The following OR51B5 variants were observed in gnomAD, a reference collection of about 807,000 sequenced individuals.
OR51B5 encodes the protein olfactory receptor family 51 subfamily B member 5, also known as olfactory receptor 51B5.
For synonymous variants in OR51B5, 186 were observed against 144.8 expected (o/e 1.28, Z -2.04); for missense variants, 456 against 374.6 (o/e 1.22, Z -1.79).
chr11:5,475,916 A>G (rs1463115484), intron 1 of OR51B5, among the ~76,000 whole-genome samples: 1 of 152,192 alleles, frequency 6.6e-6, no homozygotes, highest in Non-Finnish European at 1.5e-5. Context: ...TTGCCATTGT[A>G]TCTAGATCCA....
chr11:5,389,718 G>C lies in OR51B5; in HGVS notation n.85-42808C>G, dbSNP rs768289785. The stretch of plus-strand genomic sequence containing the variant: ...TTTAACTCCCATAGTATCTACTTTG[G>C]AGCGTGTCAAATCCAGATGTTCTGC... On this transcript the variant is annotated intron_variant and non_coding_transcript_variant, in intron 1 of 4. Transcript: ENST00000415970. The C allele has an allele frequency of 1.9e-6, 3 of 1,613,834 alleles. No homozygotes were observed. In the East Asian group the frequency reaches 6.7e-5, roughly 36 times the overall value.
At chr11:5,385,933 A>G (rs1201111959) in intron 1 of OR51B5, among the ~76,000 whole-genome samples, 1 of 131,014 alleles carries the variant, frequency 7.6e-6, no homozygotes, top group African/African-American at 2.7e-5. Context: ...ATATGGATGT[A>G]TAAGTATGTT....
intron 1 of OR51B5, chr11:5,403,293 G>A (rs770768708): frequency 4.2e-5 from 20 of 471,548 alleles, no homozygotes; most frequent in Non-Finnish European, 7.9e-5. Flanking sequence ...TATTGCCACT[G>A]GAGAAGGGAG....
intron 1 of OR51B5, among the ~76,000 whole-genome samples, chr11:5,377,619 G>A (rs1284137562): frequency 6.6e-6 from 1 of 152,110 alleles, no homozygotes; most frequent in Non-Finnish European, 1.5e-5. Flanking sequence ...AAAGCCTCAG[G>A]ATACAAAACC....
At chr11:5,462,349 TA>T (rs1266520621) in intron 1 of OR51B5, among the ~76,000 whole-genome samples, 1 of 152,170 alleles carries the variant, frequency 6.6e-6, no homozygotes, top group African/African-American at 2.4e-5. Context: ...TTTATGGAAT[TA>T]ATTTCTGTGT....
intron 1 of OR51B5, among the ~76,000 whole-genome samples, chr11:5,367,851 T>G (rs1849394447): frequency 6.6e-6 from 1 of 152,196 alleles, no homozygotes; most frequent in African/African-American, 2.4e-5. Context: ...TTCAAAAATG[T>G]ATTTTTTTTC....
intron 1 of OR51B5, chr11:5,403,337 C>G (rs1326826731): frequency 4.2e-6 from 2 of 471,510 alleles, no homozygotes; most frequent in Admixed American, 4.7e-5. Flanking sequence ...GCTCACACGT[C>G]TGTGCTGTGC....
At chr11:5,365,072 A>T (rs530234337) in intron 1 of OR51B5, among the ~76,000 whole-genome samples, 1 of 152,356 alleles carries the variant, frequency 6.6e-6, no homozygotes, top group East Asian at 1.9e-4. Flanking sequence ...CAATAAAACC[A>T]AATGTGTCAA....
At chr11:5,362,671 C>T (rs1049775946) in intron 1 of OR51B5, 1 of 205,688 alleles carries the variant, frequency 4.9e-6, no homozygotes, top group Non-Finnish European at 1.1e-5. Flanking sequence ...CTGTCTTCCC[C>T]CATCTGATTG....
chr11:5,346,669 A>T (rs1848996646), upstream of OR51B5, among the ~76,000 whole-genome samples: 2 of 152,160 alleles, frequency 1.3e-5, no homozygotes. Flanking sequence ...ATTGCTTTTG[A>T]AGTTCTATCA....
intron 1 of OR51B5, among the ~76,000 whole-genome samples, chr11:5,447,427 C>T (rs1054114147): frequency 3.9e-5 from 6 of 152,158 alleles, no homozygotes; most frequent in Non-Finnish European, 5.9e-5. Context: ...TTTGGCTTTC[C>T]AGTCTATAGG....
At position 5,422,937 on chromosome 11, in the gene OR51B5, A is replaced by G. The variant is rs781451597; in HGVS notation, n.85-76027T>C. 9 of 1,614,086 alleles carry G rather than the reference A, an allele frequency of 5.6e-6. No individual in the cohort carries two copies. The East Asian group carries it at 1.8e-4, about 32-fold the overall frequency. ...CGTGCCCTCAATAACTGCCTGTCCC[A>G]CATTCTAGCTGTCCTGGTCCTCTAC... is the stretch of plus-strand genomic sequence containing the variant. On this transcript the variant is annotated intron_variant and non_coding_transcript_variant, in intron 1 of 4. Coordinates refer to the OR51B5 transcript ENST00000415970.
exon 1 of OR51B5, chr11:5,343,130 G>C (rs1480822196): frequency 6.2e-7 from 1 of 1,613,616 alleles, no homozygotes; most frequent in Admixed American, 1.7e-5. Context: ...AGTAAGTACA[G>C]AGGTATATCT....
upstream of OR51B5, among the ~76,000 whole-genome samples, chr11:5,346,541 G>A (rs1340943135): frequency 6.6e-6 from 1 of 151,890 alleles, no homozygotes; most frequent in African/African-American, 2.4e-5. Context: ...AAATGTAGTA[G>A]AATAAGAGGT....
intron 1 of OR51B5, chr11:5,422,099 T>C (rs575747261): frequency 2.2e-6 from 2 of 923,700 alleles, no homozygotes; most frequent in African/African-American, 1.7e-5. Flanking sequence ...TGAACATTTA[T>C]TTGTGTAGAA....
intron 1 of OR51B5, chr11:5,390,338 G>C (rs778867452): frequency 6.2e-7 from 1 of 1,611,696 alleles, no homozygotes; most frequent in Non-Finnish European, 8.5e-7. Flanking sequence ...GATCCACCGT[G>C]CCATTATCAA....
At chr11:5,454,208 A>C (rs1850912913) in intron 1 of OR51B5, 1 of 1,614,054 alleles carries the variant, frequency 6.2e-7, no homozygotes, top group Non-Finnish European at 8.5e-7. Context: ...CTCTCAACAC[A>C]TGTGTGTCAC....
chr11:5,433,606 G>T lies in OR51B5; in HGVS notation n.84+71963C>A, dbSNP rs185271871. ...ATGTACTGTCAAGGGAATACAAAGAGCTATGACCTCCAGGAGTCATACCAG... is the reference window on the plus strand; with the variant it reads ...ATGTACTGTCAAGGGAATACAAAGATCTATGACCTCCAGGAGTCATACCAG... On this transcript the variant is annotated intron_variant and non_coding_transcript_variant, in intron 1 of 4. Transcript: ENST00000415970. 6.7e-3 allele frequency among the ~76,000 whole-genome samples: 1,014 copies of T among 152,282 alleles called. 10 individuals carry two copies. Among genetic ancestry groups the T allele is most frequent in the African/African-American group, 0.023 (972 of 41,554 alleles).
chr11:5,413,045 C>A (rs1022609807), intron 1 of OR51B5, among the ~76,000 whole-genome samples: 4 of 143,948 alleles, frequency 2.8e-5, no homozygotes, highest in African/African-American at 1.0e-4. Context: ...CCCAGTAGGG[C>A]AGACTGACAC....
Sources: allele counts gnomAD v4.1 joint callset (sites outside exome capture counted in the v4.1 genomes callset), GRCh38; gene constraint gnomAD v4.1.1; transcripts MANE v1.5; gene names NCBI Gene and HGNC (gene_info 2026-07-23, HGNC 2026-07-21).